EPHA6: variants seen among roughly 807,000 people sequenced by gnomAD.
EPHA6 encodes ephrin type-A receptor 6.
In EPHA6, 50 loss-of-function variants were observed where a neutral mutation model predicts 112.0. That is an observed-to-expected ratio of 0.45 (90% CI 0.36 to 0.56). The LOEUF (loss-of-function observed/expected upper bound fraction) is 0.56, where lower values mean the gene tolerates loss of function less well. Ranked by LOEUF, EPHA6 falls within the 20% of genes least tolerant of loss-of-function variation. EPHA6 has a pLI of 0.00. For synonymous variants in EPHA6, 529 were observed against 490.7 expected (o/e 1.08, Z -1.03); for missense variants, 1,280 against 1,417.4 (o/e 0.90, Z 1.56).
intron 3 of EPHA6, among the ~76,000 whole-genome samples, chr3:97,003,766 G>A (rs940589334): frequency 8.6e-5 from 13 of 151,516 alleles, no homozygotes; most frequent in East Asian, 3.9e-4. Flanking sequence ...CTATTGACCC[G>A]TCCTCTAAAT....
intron 14 of EPHA6, among the ~76,000 whole-genome samples, chr3:97,710,413 T>G (rs1380876003): frequency 6.6e-6 from 1 of 152,234 alleles, no homozygotes; most frequent in East Asian, 1.9e-4. Flanking sequence ...GAAGACCTGC[T>G]GCTCAGATAT....
At chr3:97,745,252 T>C in intron 16 of EPHA6, 2 of 333,210 alleles carry the variant, frequency 6.0e-6, no homozygotes, top group South Asian at 2.4e-5. Flanking sequence ...TTGATTAACA[T>C]AAACACCTCT....
At chr3:96,939,475 A>G (rs1440354343) in intron 2 of EPHA6, among the ~76,000 whole-genome samples, 2 of 151,624 alleles carry the variant, frequency 1.3e-5, no homozygotes, top group African/African-American at 2.4e-5. Context: ...TTTTTATTGC[A>G]TCTATTGATT....
intron 2 of EPHA6, among the ~76,000 whole-genome samples, chr3:96,956,420 C>T (rs1159802349): frequency 6.6e-6 from 1 of 152,162 alleles, no homozygotes; most frequent in Non-Finnish European, 1.5e-5. Flanking sequence ...AGCACACTTA[C>T]CCCAAAGCTG....
At chr3:97,450,012 C>T (rs1487107414) in intron 7 of EPHA6, among the ~76,000 whole-genome samples, 3 of 151,650 alleles carry the variant, frequency 2.0e-5, no homozygotes, top group Admixed American at 6.6e-5. Flanking sequence ...TAAGAAATAC[C>T]CCACCTTAGG....
rs767651650 is a variant in EPHA6 at position 97,571,916 on chromosome 3, T to C, written c.2387-20696T>C. ...CTGGCAAAGAACCATCATTGCAATG[T>C]ATAGCACACCATCAGCTTTTCCATA... On this transcript the variant is annotated intron_variant, in intron 11 of 17. Coordinates refer to ENST00000389672, the MANE Select transcript of EPHA6 (RefSeq NM_001080448.3). 2.0e-5 allele frequency among the ~76,000 whole-genome samples: 3 copies of C among 152,204 alleles called. No individual in the cohort carries two copies. In the East Asian group the frequency reaches 5.8e-4, roughly 29 times the overall value.
Position 97,174,790 on chromosome 3 carries a change from G to A in EPHA6, c.1115-51474G>A, listed in dbSNP as rs560305821. Among the ~76,000 whole-genome samples the A allele has an allele frequency of 2.6e-5, 4 of 151,802 alleles. No individual in the cohort carries two copies. In the South Asian group the frequency reaches 6.2e-4, roughly 24 times the overall value. Reference sequence around the variant, plus strand: ...TTGTTTAAGCTCTTTATATATTCTGGGTATCAATTCCTTGTCAGATAGGTA... The same window carrying A: ...TTGTTTAAGCTCTTTATATATTCTGAGTATCAATTCCTTGTCAGATAGGTA... On this transcript the variant is annotated intron_variant, in intron 3 of 17. Transcript: ENST00000389672.
At chr3:97,329,409 T>C (rs1285842138) in intron 5 of EPHA6, among the ~76,000 whole-genome samples, 1 of 150,832 alleles carries the variant, frequency 6.6e-6, no homozygotes, top group Non-Finnish European at 1.5e-5. Flanking sequence ...TCCACAATGG[T>C]TGAACTAGTT....
At chr3:97,579,394 A>G (rs1035315114) in intron 11 of EPHA6, among the ~76,000 whole-genome samples, 1 of 152,186 alleles carries the variant, frequency 6.6e-6, no homozygotes, top group African/African-American at 2.4e-5. Context: ...ATAAATGGGC[A>G]CCTCTTAATG....
chr3:97,142,350 T>C (rs2075930989), intron 3 of EPHA6, among the ~76,000 whole-genome samples: 1 of 151,966 alleles, frequency 6.6e-6, no homozygotes, highest in Non-Finnish European at 1.5e-5. Flanking sequence ...TAATGAGCAC[T>C]GGCAGCAAGC....
At chr3:97,489,145 A>T (rs1443098087) in intron 10 of EPHA6, among the ~76,000 whole-genome samples, 1 of 152,224 alleles carries the variant, frequency 6.6e-6, no homozygotes, top group Non-Finnish European at 1.5e-5. Flanking sequence ...CTATTAGATT[A>T]AAAAATAAAT....
chr3:97,547,238 T>G (rs1451245126), intron 11 of EPHA6, among the ~76,000 whole-genome samples: 1 of 152,074 alleles, frequency 6.6e-6, no homozygotes, highest in African/African-American at 2.4e-5. Context: ...TACAGATGGG[T>G]TTTTGGTGTG....
At chr3:97,380,871 T>A (rs2085686189) in intron 5 of EPHA6, among the ~76,000 whole-genome samples, 1 of 152,172 alleles carries the variant, frequency 6.6e-6, no homozygotes, top group Admixed American at 6.6e-5. Context: ...TCATCACTTG[T>A]CACAATTTCA....
chr3:96,998,675 G>A (rs2043514055), intron 3 of EPHA6, among the ~76,000 whole-genome samples: 1 of 151,746 alleles, frequency 6.6e-6, no homozygotes, highest in Non-Finnish European at 1.5e-5. Flanking sequence ...TTGGTTTTTA[G>A]TTATATCTGA....
At chr3:97,043,412 A>G (rs1246644022) in intron 3 of EPHA6, among the ~76,000 whole-genome samples, 1 of 152,198 alleles carries the variant, frequency 6.6e-6, no homozygotes, top group African/African-American at 2.4e-5. Context: ...AATATAATGG[A>G]CACTTGGAAA....
chr3:97,544,408 A>C (rs2092915005), intron 11 of EPHA6, among the ~76,000 whole-genome samples: 1 of 152,122 alleles, frequency 6.6e-6, no homozygotes, highest in Non-Finnish European at 1.5e-5. Context: ...TGATTTGCGT[A>C]TGTTGAACCA....
intron 7 of EPHA6, among the ~76,000 whole-genome samples, chr3:97,471,386 T>C (rs181223758): frequency 6.6e-6 from 1 of 151,824 alleles, no homozygotes; most frequent in African/African-American, 2.4e-5. Flanking sequence ...GAACTGAAAA[T>C]CCATGAGCAC....
chr3:97,594,078 C>A (rs183938188), intron 12 of EPHA6, among the ~76,000 whole-genome samples: 1 of 152,250 alleles, frequency 6.6e-6, no homozygotes, highest in East Asian at 1.9e-4. Context: ...TAATTAATAT[C>A]CCAGTGATTG....
intron 12 of EPHA6, among the ~76,000 whole-genome samples, chr3:97,607,949 A>C (rs1327212265): frequency 6.6e-6 from 1 of 151,178 alleles, no homozygotes; most frequent in African/African-American, 2.4e-5. Context: ...CCTAATTTTC[A>C]TAGTTTCCCC....
Sources: gnomAD v4.1 joint callset for allele counts (sites outside exome capture counted in the v4.1 genomes callset) on GRCh38, gnomAD v4.1.1 for gene constraint, MANE v1.5 for transcripts, NCBI Gene and HGNC (gene_info 2026-07-23, HGNC 2026-07-21) for gene names.